UBE2E2: variants seen among roughly 807,000 people sequenced by gnomAD.
UBE2E2 encodes the protein ubiquitin conjugating enzyme E2 E2.
UBE2E2 carries 6 observed loss-of-function variants against 24.7 expected under a neutral mutation model. That is an observed-to-expected ratio of 0.24 (90% CI 0.13 to 0.48). The LOEUF (loss-of-function observed/expected upper bound fraction) is 0.48. Among genes scored for constraint, UBE2E2 ranks in the 20% least tolerant of loss-of-function variants. UBE2E2 has a pLI of 0.99. For missense variants in UBE2E2, 169 were observed against 245.0 expected (o/e 0.69, Z 2.07); for synonymous variants, 104 against 83.6 (o/e 1.24, Z -1.33).
At chr3:23,514,339 C>T (rs1387434481) in intron 4 of UBE2E2, among the ~76,000 whole-genome samples, 3 of 152,208 alleles carry the variant, frequency 2.0e-5, no homozygotes, top group African/African-American at 7.2e-5. Flanking sequence ...ATGTGCCTTA[C>T]AGTACCTGGC....
intron 1 of UBE2E2, among the ~76,000 whole-genome samples, chr3:23,207,643 G>A (rs1043189745): frequency 6.6e-6 from 1 of 152,080 alleles, no homozygotes; most frequent in East Asian, 1.9e-4. Context: ...GATTGAATAG[G>A]GATTTGAAAG....
chr3:23,406,777 A>G (rs1252370108), intron 3 of UBE2E2, among the ~76,000 whole-genome samples: 4 of 152,234 alleles, frequency 2.6e-5, no homozygotes, highest in East Asian at 1.9e-4. Flanking sequence ...GAAAATCTGT[A>G]TGCCCAGAGG....
intron 1 of UBE2E2, chr3:23,204,795 T>C: frequency 2.1e-6 from 2 of 972,880 alleles, no homozygotes; most frequent in Non-Finnish European, 2.4e-6. Context: ...ATATTTATTT[T>C]ACATTTTAGA....
At chr3:23,523,140 G>A (rs1227021495) in intron 4 of UBE2E2, among the ~76,000 whole-genome samples, 1 of 152,188 alleles carries the variant, frequency 6.6e-6, no homozygotes, top group African/African-American at 2.4e-5. Context: ...TTATAGGTAT[G>A]TTCCAGAAAC....
chr3:23,213,936 T>A (rs1304730644), intron 2 of UBE2E2, among the ~76,000 whole-genome samples: 1 of 152,172 alleles, frequency 6.6e-6, no homozygotes, highest in Non-Finnish European at 1.5e-5. Context: ...TAGGTACCTT[T>A]CTTATCCCAC....
intron 3 of UBE2E2, among the ~76,000 whole-genome samples, chr3:23,442,818 G>A (rs1327596720): frequency 6.6e-6 from 1 of 152,122 alleles, no homozygotes; most frequent in Non-Finnish European, 1.5e-5. Context: ...CTTTCCTGTA[G>A]CTCTGCCTGG....
At chr3:23,451,243 G>GA (rs1424310625) in intron 3 of UBE2E2, among the ~76,000 whole-genome samples, 3 of 151,848 alleles carry the variant, frequency 2.0e-5, no homozygotes, top group Admixed American at 6.6e-5. Flanking sequence ...AATTTTTTTT[G>GA]AAAAATTGCT....
chr3:23,341,121 C>A (rs1268370317), intron 3 of UBE2E2, among the ~76,000 whole-genome samples: 5 of 152,126 alleles, frequency 3.3e-5, no homozygotes, highest in Admixed American at 2.6e-4. Flanking sequence ...GTAAGTCTTG[C>A]TAATAGCCTA....
At chr3:23,332,078 T>G (rs1261173950) in intron 3 of UBE2E2, among the ~76,000 whole-genome samples, 1 of 152,220 alleles carries the variant, frequency 6.6e-6, no homozygotes, top group South Asian at 2.1e-4. Flanking sequence ...AAAGGAATAT[T>G]GTGGAATAAT....
chr3:23,509,475 G>T (rs1290438991), intron 4 of UBE2E2, among the ~76,000 whole-genome samples: 1 of 152,070 alleles, frequency 6.6e-6, no homozygotes, highest in Non-Finnish European at 1.5e-5. Context: ...TTCAAGCTGG[G>T]ATACAGTAGG....
At chr3:23,226,578 G>T (rs1696832121) in intron 3 of UBE2E2, among the ~76,000 whole-genome samples, 1 of 152,190 alleles carries the variant, frequency 6.6e-6, no homozygotes, top group Non-Finnish European at 1.5e-5. Flanking sequence ...ACTTGGCTTT[G>T]AAGAATGGGT....
chr3:23,440,189 G>A (rs924952568), intron 3 of UBE2E2, among the ~76,000 whole-genome samples: 9 of 152,182 alleles, frequency 5.9e-5, no homozygotes, highest in Admixed American at 5.9e-4. Flanking sequence ...CAGGAGAATC[G>A]CTTGAACTCA....
At chr3:23,215,276 T>A (rs1696445603) in intron 2 of UBE2E2, among the ~76,000 whole-genome samples, 1 of 152,192 alleles carries the variant, frequency 6.6e-6, no homozygotes, top group Admixed American at 6.5e-5. Flanking sequence ...CAATCTTCTA[T>A]GCTTTGTCTG....
intron 3 of UBE2E2, among the ~76,000 whole-genome samples, chr3:23,315,143 G>C (rs1694534926): frequency 2.0e-5 from 3 of 151,994 alleles, no homozygotes; most frequent in African/African-American, 7.3e-5. Flanking sequence ...TTTTGGTGCA[G>C]CTGAGCTGGC....
At chr3:23,434,421 G>T (rs970190780) in intron 3 of UBE2E2, among the ~76,000 whole-genome samples, 1 of 152,082 alleles carries the variant, frequency 6.6e-6, no homozygotes, top group Non-Finnish European at 1.5e-5. Flanking sequence ...TTGTGCATTA[G>T]CTCTACTTAA....
intron 5 of UBE2E2, among the ~76,000 whole-genome samples, chr3:23,545,244 TC>T: frequency 6.6e-6 from 1 of 152,250 alleles, no homozygotes; most frequent in South Asian, 2.1e-4. Context: ...GTCAGGTCTT[TC>T]CCTTCCCACG....
intron 1 of UBE2E2, among the ~76,000 whole-genome samples, chr3:23,207,750 C>G (rs1029166228): frequency 1.3e-5 from 2 of 152,128 alleles, no homozygotes; most frequent in African/African-American, 4.8e-5. Flanking sequence ...GTTGTGGGAC[C>G]AAAGGGCTTA....
chr3:23,584,726 GTTT>G (rs1158915900), intron 5 of UBE2E2, among the ~76,000 whole-genome samples: 2 of 113,488 alleles, frequency 1.8e-5, no homozygotes, highest in Non-Finnish European at 1.8e-5. Context: ...GCTGTTTTTT[GTTT>G]TTTTTTTTTT....
intron 3 of UBE2E2, among the ~76,000 whole-genome samples, chr3:23,224,682 C>T (rs976274523): frequency 1.3e-5 from 2 of 152,074 alleles, no homozygotes; most frequent in African/African-American, 4.8e-5. Context: ...TTTGTTCCTA[C>T]TTGTTACCAA....
Sources: gnomAD v4.1 joint callset for allele counts (sites outside exome capture counted in the v4.1 genomes callset) on GRCh38, gnomAD v4.1.1 for gene constraint, MANE v1.5 for transcripts, NCBI Gene and HGNC (gene_info 2026-07-23, HGNC 2026-07-21) for gene names.